Variants in HEATR9 observed in about 807,000 individuals in gnomAD.
The protein encoded by HEATR9 is protein HEATR9.
In HEATR9, 54 loss-of-function variants were observed where a neutral mutation model predicts 68.2. That is an observed-to-expected ratio of 0.79 (90% CI 0.64 to 0.99). The LOEUF is 0.99. Among genes scored for constraint, HEATR9 ranks in the 50% least tolerant of loss-of-function variants. The pLI, the probability that HEATR9 is intolerant of heterozygous loss-of-function variation, is 0.00. For missense variants in HEATR9, 662 were observed against 679.7 expected (o/e 0.97, Z 0.29); for synonymous variants, 241 against 253.5 (o/e 0.95, Z 0.47).
chr17:35,856,007 C>T (rs1466313457), intron 13 of HEATR9, among the ~76,000 whole-genome samples, 166 bp downstream of exon 13: 10 of 152,136 alleles, frequency 6.6e-5, no homozygotes, highest in Admixed American at 2.0e-4. Context: ...TCCCTTAGCC[C>T]ACCTACCCCC....
Position 35,863,112 on chromosome 17 carries a change from C to A in HEATR9, c.639G>T (p.Lys213Asn). The change falls in exon 8 of 15, where the codon AAG (lysine) becomes AAT (asparagine). Residue 213 changes from lysine (K) to asparagine (N), a missense_variant. Transcript: ENST00000604834. ...RTLAILGCLN[K>N]HVIRALIKQL... Reference sequence around the variant, plus strand: ...GTTTGATGAGAGCCCGGATCACATGCTTATTCAGGCAACCTGGACAGGGAG... The same window carrying A: ...GTTTGATGAGAGCCCGGATCACATGATTATTCAGGCAACCTGGACAGGGAG... 6.2e-7 allele frequency: 1 copy of A among 1,614,130 alleles called. No individual in the cohort carries two copies. Among genetic ancestry groups the A allele is most frequent in the Non-Finnish European group, 8.5e-7 (1 of 1,180,032 alleles).
chr17:35,865,664 A>C (rs2088174678), intron 2 of HEATR9, among the ~76,000 whole-genome samples: 1 of 152,216 alleles, frequency 6.6e-6, no homozygotes, highest in African/African-American at 2.4e-5. Context: ...GTAAAGATCA[A>C]AAGAGAGATC....
chr17:35,856,426 G>C (rs560668942), intron 12 of HEATR9: 67 of 1,377,346 alleles, frequency 4.9e-5, no homozygotes, highest in Non-Finnish European at 5.9e-5. Context: ...ACTGAATGAT[G>C]ATCAGGACTG....
At chr17:35,860,450 TTTTATTTA>T (rs201786560) in intron 8 of HEATR9, among the ~76,000 whole-genome samples, 7 of 134,938 alleles carry the variant, frequency 5.2e-5, no homozygotes, top group Non-Finnish European at 7.7e-5. Context: ...AAGTCCTTAT[TTTTATTTA>T]TTTATTTATT....
At chr17:35,864,012 C>CT in intron 6 of HEATR9, 1 of 572,982 alleles carries the variant, frequency 1.7e-6, no homozygotes, top group Non-Finnish European at 3.1e-6. Flanking sequence ...AGTCCAATGT[C>CT]TTTTCGGTTA....
At chr17:35,864,999 A>G in intron 3 of HEATR9, 109 bp from the exon 4 acceptor site, 1 of 1,460,342 alleles carries the variant, frequency 6.8e-7, no homozygotes, top group African/African-American at 1.4e-5. Flanking sequence ...ATGGGACCAG[A>G]GGAAGACAGA....
At chr17:35,865,458 T>G in intron 2 of HEATR9, 62 bp from the exon 3 acceptor site, 1 of 1,319,876 alleles carries the variant, frequency 7.6e-7, no homozygotes, top group Non-Finnish European at 1.1e-6. Context: ...TGTGAGGGTA[T>G]GGGGAGGAGG....
At position 35,864,811 on chromosome 17, in the gene HEATR9, G is replaced by C; in HGVS notation, c.400C>G (p.Arg134Gly). 6.2e-7 allele frequency: 1 copy of C among 1,614,136 alleles called. No individual in the cohort carries two copies. Among genetic ancestry groups the C allele is most frequent in the Admixed American group, 1.7e-5 (1 of 60,016 alleles). The change falls in exon 4 of 15, where the codon CGA becomes GGA. Residue 134 changes from arginine to glycine, a missense_variant. Transcript: ENST00000604834. ...TGGGTAGGCTCTAAGGGCCTGGATCGCATCTCAGATTTTATAGTCAGCTTG... is the reference window on the plus strand; with the variant it reads ...TGGGTAGGCTCTAAGGGCCTGGATCCCATCTCAGATTTTATAGTCAGCTTG... ...MSKLTIKSEM[R>G]SRPLEPTQDP...
rs1035382110 is a variant in HEATR9, at chr17:35,855,317, T to C, written c.1459A>G (p.Thr487Ala). 1.9e-6 allele frequency: 3 copies of C among 1,614,084 alleles called. No homozygotes were observed. ...KVLSVYEAPK[T>A]NVKAEPTRFQ... ...CTTGTGGGCTCTGCCTTCACATTGGTCTTAGGTGCCTCATATACAGAGAGA... is the reference window on the plus strand; with the variant it reads ...CTTGTGGGCTCTGCCTTCACATTGGCCTTAGGTGCCTCATATACAGAGAGA... The change falls in exon 15 of 15, where the codon ACC becomes GCC. Residue 487 changes from threonine (T) to alanine (A), a missense_variant. Transcript: ENST00000604834.
intron 6 of HEATR9, 140 bp downstream of exon 6, chr17:35,864,106 A>G: frequency 4.5e-6 from 3 of 673,944 alleles, no homozygotes; most frequent in Non-Finnish European, 8.1e-6. Context: ...GGGATGGGTC[A>G]TGCTGCACAG....
At chr17:35,867,980 CA>C (rs1401141125) in intron 1 of HEATR9, among the ~76,000 whole-genome samples, 5 of 152,238 alleles carry the variant, frequency 3.3e-5, no homozygotes, top group African/African-American at 1.2e-4. Flanking sequence ...GGGGTTTCAC[CA>C]TCTTGGCCAG....
rs775048275 is a variant in HEATR9 at position 35,855,654 on chromosome 17, CCTTA to C, written c.1365+6_1365+9del. Reference sequence around the variant, plus strand: ...GAAGAGGAAGAAGTGGGCAGGAACGCCTTACTTACACTCTTCTTCACAGCCTGGT... The same window carrying C: ...GAAGAGGAAGAAGTGGGCAGGAACGCCTTACACTCTTCTTCACAGCCTGGT... On this transcript the variant is annotated splice_donor_region_variant and intron_variant, in intron 14 of 14. Transcript: ENST00000604834. 4 of 1,613,034 alleles carry C rather than the reference CCTTA, an allele frequency of 2.5e-6. No homozygotes were observed. Among genetic ancestry groups the C allele is most frequent in the Admixed American group, 3.3e-5 (2 of 59,978 alleles).
chr17:35,855,853 G>A (rs575438930), intron 13 of HEATR9, 103 bp from the exon 14 acceptor site: 2 of 955,318 alleles, frequency 2.1e-6, no homozygotes, highest in Non-Finnish European at 3.3e-6. Context: ...GCATAGAGAG[G>A]GGGGAGATAG....
chr17:35,855,116 A>T lies in HEATR9; in HGVS notation c.1660T>A (p.Trp554Arg). The part of the protein sequence containing the change: ...RKHRPQVIGP[W>R]QPRIKKQLRV... The stretch of plus-strand genomic sequence containing the variant: ...AGCTGTTTCTTGATCCTTGGCTGCC[A>T]GGGCCCTATGACCTGTGGCCTATGT... Residue 554 changes from tryptophan (W) to arginine (R), a missense_variant, in exon 15 of 15, where the codon TGG (tryptophan) becomes AGG (arginine). Transcript: ENST00000604834. 5 of 1,614,188 alleles carry T rather than the reference A, an allele frequency of 3.1e-6. No individual in the cohort carries two copies. Among genetic ancestry groups the T allele is most frequent in the Non-Finnish European group, 4.2e-6 (5 of 1,180,030 alleles).
chr17:35,855,720 A>C lies in HEATR9; in HGVS notation c.1309T>G (p.Phe437Val). The change falls in exon 14 of 15, where the codon TTC becomes GTC. Residue 437 changes from phenylalanine to valine, a missense_variant. Coordinates refer to ENST00000604834, the MANE Select transcript of HEATR9 (RefSeq NM_152781.4). The part of the protein sequence containing the change: ...GVLGIRSPQV[F>V]HLLLDLLDAE... ...TCTAGTAAGTCCAGGAGCAAGTGGA[A>C]CACTTGTGGACTGCGGATCCCCAGG... 1 of 1,614,036 alleles carries C rather than the reference A, an allele frequency of 6.2e-7. No individual in the cohort carries two copies. The highest frequency in any genetic ancestry group is 8.5e-7 in the Non-Finnish European group (1 of 1,179,992).
At chr17:35,863,458 G>C (rs745449063) in intron 7 of HEATR9, 44 bp downstream of exon 7, 1 of 1,578,582 alleles carries the variant, frequency 6.3e-7, no homozygotes, top group South Asian at 1.1e-5. Flanking sequence ...GGAGAAAGTG[G>C]TTGCACTTTC....
Position 35,864,498 on chromosome 17 carries a change from T to C in HEATR9, c.509A>G (p.Gln170Arg), listed in dbSNP as rs1383519793. The C allele has an allele frequency of 1.2e-6, 2 of 1,613,774 alleles. No homozygotes were observed. The highest frequency in any genetic ancestry group is 1.7e-5 in the Admixed American group (1 of 59,944). ...PREDEQFYAA[Q>R]ALGCLRISDK... is the part of the protein sequence containing the mutation. ...TCCTCTATCCTTGCCTCTTCTCACCTGTGCTGCATAGAACTGCTCATCCTC... is the reference window on the plus strand; with the variant it reads ...TCCTCTATCCTTGCCTCTTCTCACCCGTGCTGCATAGAACTGCTCATCCTC... The change falls in exon 5 of 15, where the codon CAG becomes CGG. Residue 170 changes from glutamine to arginine, a missense_variant and splice_region_variant. Transcript: ENST00000604834.
chr17:35,856,209 T>C lies in HEATR9; in HGVS notation c.1242A>G (p.Pro414=). 1 of 1,614,188 alleles carries C rather than the reference T, an allele frequency of 6.2e-7. No individual in the cohort carries two copies. Residue 414 remains proline (P), a synonymous_variant, in exon 13 of 15, where the codon CCA becomes CCG. Transcript: ENST00000604834. ...MNLVEAQLMN[P]DATARQEAVI... Reference sequence around the variant, plus strand: ...CTGCTTCCTGGCGTGCAGTGGCATCTGGGTTCATCAGTTGTCTGTGTAGAA... The same window carrying C: ...CTGCTTCCTGGCGTGCAGTGGCATCCGGGTTCATCAGTTGTCTGTGTAGAA...
Position 35,859,049 on chromosome 17 carries a change from C to T in HEATR9, c.778G>A (p.Gly260Ser). 1.2e-6 allele frequency: 2 copies of T among 1,614,176 alleles called. No homozygotes were observed. Among genetic ancestry groups the T allele is most frequent in the Admixed American group, 1.7e-5 (1 of 60,016 alleles). The change falls in exon 9 of 15, where the codon GGC (glycine) becomes AGC (serine). Residue 260 changes from glycine (G) to serine (S), a missense_variant. By Grantham distance (56) the Gly-to-Ser change is moderately conservative (BLOSUM62 0). Coordinates refer to ENST00000604834, the MANE Select transcript of HEATR9 (RefSeq NM_152781.4). ...GTCTGTAGTACAGGCACCAGCTTGC[C>T]CTCATCCCCGACTTGAGTCCTCTGT... ...KDKRTQVGDE[G>S]KLVPVLQTLI...
Sources: allele counts gnomAD v4.1 joint callset (sites outside exome capture counted in the v4.1 genomes callset), GRCh38; gene constraint gnomAD v4.1.1; transcripts MANE v1.5; gene names NCBI Gene and HGNC (gene_info 2026-07-23, HGNC 2026-07-21).